The following MB21D2 variants were observed in gnomAD, a reference collection of about 807,000 sequenced individuals.
MB21D2 encodes nucleotidyltransferase MB21D2.
In MB21D2, 9 loss-of-function variants were observed where a neutral mutation model predicts 33.3. The ratio of observed to expected loss-of-function variants is 0.27; its 90% CI spans 0.16 to 0.47. The LOEUF (loss-of-function observed/expected upper bound fraction) is 0.47. Among genes scored for constraint, MB21D2 ranks in the 20% least tolerant of loss-of-function variants. MB21D2 has a pLI of 0.99. For missense variants in MB21D2, 540 were observed against 624.6 expected, an observed-to-expected ratio of 0.86 and a Z score of 1.44; for synonymous variants, 241 against 236.3, an observed-to-expected ratio of 1.02 and a Z score of -0.18.
chr3:192,916,465 C>T (rs551388200), intron 1 of MB21D2, among the ~76,000 whole-genome samples: 1 of 152,312 alleles, frequency 6.6e-6, no homozygotes, highest in Non-Finnish European at 1.5e-5. Flanking sequence ...CTTTCCCAAT[C>T]AAATTTTTCA....
chr3:192,905,508 G>T (rs1252361515), intron 1 of MB21D2, among the ~76,000 whole-genome samples: 2 of 151,684 alleles, frequency 1.3e-5, no homozygotes, highest in Non-Finnish European at 2.9e-5. Flanking sequence ...GTGGTGTCAG[G>T]CGCCTGTAAT....
Position 192,798,374 on chromosome 3 carries a change from G to C in MB21D2, c.*12C>G. ...AGTTTAAGAATCAGGAAAAAAAAAA[G>C]TCAGCTAACACTCAGAAAAATTTGT... On this transcript the variant is annotated 3_prime_UTR_variant, in exon 2 of 2. Coordinates refer to ENST00000392452, the MANE Select transcript of MB21D2 (RefSeq NM_178496.4). This position sits in a 1 kb window ranked among gnomAD's most constrained non-coding sequence, Gnocchi z 4.8. 1 of 1,606,560 alleles carries C rather than the reference G, an allele frequency of 6.2e-7. No individual in the cohort carries two copies. Among genetic ancestry groups the C allele is most frequent in the South Asian group, 1.1e-5 (1 of 90,168 alleles).
intron 1 of MB21D2, among the ~76,000 whole-genome samples, chr3:192,803,211 A>C (rs781048975): frequency 2.0e-5 from 3 of 152,210 alleles, no homozygotes; most frequent in Admixed American, 6.5e-5. Flanking sequence ...TACACACTAG[A>C]AAATTCCTGC....
At chr3:192,862,594 G>A (rs1713072195) in intron 1 of MB21D2, among the ~76,000 whole-genome samples, 1 of 152,040 alleles carries the variant, frequency 6.6e-6, no homozygotes, top group Non-Finnish European at 1.5e-5. Flanking sequence ...TGCAAAACAG[G>A]TATGTTCAGG....
At chr3:192,871,845 G>A (rs1382115067) in intron 1 of MB21D2, among the ~76,000 whole-genome samples, 2 of 152,094 alleles carry the variant, frequency 1.3e-5, no homozygotes, top group Non-Finnish European at 2.9e-5. Context: ...TGCAGCAAGG[G>A]GGGTGAGGGG....
intron 1 of MB21D2, among the ~76,000 whole-genome samples, chr3:192,806,431 T>C (rs190756665): frequency 9.2e-5 from 14 of 152,286 alleles, no homozygotes; most frequent in African/African-American, 3.4e-4. Flanking sequence ...CTGTATTTGA[T>C]TGAAAAATAG....
At chr3:192,859,365 C>T (rs1712988590) in intron 1 of MB21D2, among the ~76,000 whole-genome samples, 1 of 152,208 alleles carries the variant, frequency 6.6e-6, no homozygotes, top group Non-Finnish European at 1.5e-5. Context: ...CCCCCACCCC[C>T]GACATGGTTG....
Position 192,798,479 on chromosome 3 carries a change from T to C in MB21D2, c.1383A>G (p.Leu461=), listed in dbSNP as rs760135048. The C allele has an allele frequency of 6.2e-6, 10 of 1,614,232 alleles. No homozygotes were observed. Among genetic ancestry groups the C allele is most frequent in the Non-Finnish European group, 8.5e-6 (10 of 1,180,030 alleles). Residue 461 remains leucine, a synonymous_variant, in exon 2 of 2, where the codon CTA becomes CTG. Transcript: ENST00000392452. This position sits in a 1 kb window ranked among gnomAD's most constrained non-coding sequence, Gnocchi z 4.8. ...DDRLAKKLQQ[L]VTENPGKSIS... ...TTGACTTTCCCGGGTTCTCAGTCACTAGCTGCTGCAGTTTTTTTGCCAAAC... is the reference window on the plus strand; with the variant it reads ...TTGACTTTCCCGGGTTCTCAGTCACCAGCTGCTGCAGTTTTTTTGCCAAAC...
chr3:192,863,028 G>A (rs942209481), intron 1 of MB21D2, among the ~76,000 whole-genome samples: 4 of 152,158 alleles, frequency 2.6e-5, no homozygotes, highest in Non-Finnish European at 5.9e-5. Context: ...ATCACCTGCT[G>A]AAGGTTCCAT....
intron 1 of MB21D2, among the ~76,000 whole-genome samples, chr3:192,911,726 T>C (rs1197286189): frequency 5.3e-5 from 8 of 152,164 alleles, no homozygotes; most frequent in Admixed American, 2.6e-4. Context: ...TCTAGGCCTC[T>C]TCTCTCAAGG....
At chr3:192,862,302 G>T (rs142320475) in intron 1 of MB21D2, among the ~76,000 whole-genome samples, 2 of 152,278 alleles carry the variant, frequency 1.3e-5, no homozygotes, top group African/African-American at 4.8e-5. Flanking sequence ...GAGGCCAGGA[G>T]CACCATCTTA....
chr3:192,811,205 C>T (rs1183063157), intron 1 of MB21D2, among the ~76,000 whole-genome samples: 1 of 152,236 alleles, frequency 6.6e-6, no homozygotes, highest in Non-Finnish European at 1.5e-5. Flanking sequence ...TCTATACAAC[C>T]TCTCAGATGA....
intron 1 of MB21D2, among the ~76,000 whole-genome samples, chr3:192,830,539 C>A (rs1242594880): frequency 2.6e-5 from 4 of 152,170 alleles, no homozygotes; most frequent in Non-Finnish European, 4.4e-5. Flanking sequence ...TTTCTGCAAA[C>A]CAACTTCATG....
intron 1 of MB21D2, among the ~76,000 whole-genome samples, chr3:192,890,410 T>G (rs914519695): frequency 6.6e-6 from 1 of 151,972 alleles, no homozygotes; most frequent in East Asian, 1.9e-4. Flanking sequence ...AGACACCAAA[T>G]AAACAAAGAG....
intron 1 of MB21D2, among the ~76,000 whole-genome samples, chr3:192,854,484 G>A: frequency 6.6e-6 from 1 of 152,200 alleles, no homozygotes; most frequent in East Asian, 1.9e-4. Flanking sequence ...CTATAACATA[G>A]AAGTGCAAAG....
chr3:192,884,632 G>A (rs1362540743), intron 1 of MB21D2, among the ~76,000 whole-genome samples: 5 of 152,026 alleles, frequency 3.3e-5, no homozygotes, highest in African/African-American at 1.2e-4. Context: ...CTCCCAAAGT[G>A]CTGGCATTAC....
intron 1 of MB21D2, among the ~76,000 whole-genome samples, chr3:192,901,946 A>G (rs896433487): frequency 6.6e-6 from 1 of 152,192 alleles, no homozygotes; most frequent in African/African-American, 2.4e-5. Flanking sequence ...AGGCTGCCCT[A>G]ATTTACTTAG....
chr3:192,806,835 G>C (rs965543980), intron 1 of MB21D2, among the ~76,000 whole-genome samples: 2 of 152,098 alleles, frequency 1.3e-5, no homozygotes, highest in East Asian at 3.8e-4. Context: ...TTAAAAATTG[G>C]TGGGCTTTGT....
At chr3:192,866,563 C>T (rs537666254) in intron 1 of MB21D2, among the ~76,000 whole-genome samples, 2 of 152,252 alleles carry the variant, frequency 1.3e-5, no homozygotes, top group East Asian at 1.9e-4. Flanking sequence ...AGCATGCATA[C>T]GTGCACGTGT....
Sources: gnomAD v4.1 joint callset for allele counts (sites outside exome capture counted in the v4.1 genomes callset) on GRCh38, gnomAD v4.1.1 for gene constraint, Gnocchi (gnomAD v3.1) non-coding constraint, MANE v1.5 for transcripts, NCBI Gene and HGNC (gene_info 2026-07-23, HGNC 2026-07-21) for gene names.